The following ZBTB20 variants were observed in gnomAD, a reference collection of about 807,000 sequenced individuals.
The protein encoded by ZBTB20 is zinc finger and BTB domain-containing protein 20.
Under a neutral mutation model 56.9 loss-of-function variants are expected in ZBTB20, and 9 were observed. The ratio of observed to expected loss-of-function variants is 0.16; its 90% confidence interval spans 0.10 to 0.28. The LOEUF is 0.28. Ranked by LOEUF, ZBTB20 falls within the 10% of genes least tolerant of loss-of-function variation. The pLI is 1.00. For synonymous variants in ZBTB20, 417 were observed against 420.7 expected, an observed-to-expected ratio of 0.99 and a Z score of 0.11; for missense variants, 655 against 1,003.0, an observed-to-expected ratio of 0.65 and a Z score of 4.69.
intron 6 of ZBTB20, among the ~76,000 whole-genome samples, chr3:114,551,313 C>T (rs1329360983): frequency 6.6e-6 from 1 of 152,146 alleles, no homozygotes. Context: ...GTGTCCTGTC[C>T]TAAGACACAG....
chr3:114,389,608 G>A (rs779440870), intron 7 of ZBTB20, among the ~76,000 whole-genome samples: 103 of 151,448 alleles, frequency 6.8e-4, no homozygotes, highest in Middle Eastern at 6.9e-3. Flanking sequence ...ATGCATTACC[G>A]GCTGGGTGTG....
intron 6 of ZBTB20, among the ~76,000 whole-genome samples, chr3:114,641,172 T>A (rs916283623): frequency 2.6e-5 from 4 of 152,052 alleles, no homozygotes; most frequent in Non-Finnish European, 4.4e-5. Context: ...ATGATAGTTT[T>A]TCCCTTTCAA....
intron 1 of ZBTB20, among the ~76,000 whole-genome samples, chr3:115,106,725 A>G (rs1361595038): frequency 6.6e-6 from 1 of 152,164 alleles, no homozygotes; most frequent in Non-Finnish European, 1.5e-5. Flanking sequence ...TTGGAAGTAC[A>G]TTTATTATGG....
At chr3:115,044,907 A>G (rs1002063105) in intron 2 of ZBTB20, among the ~76,000 whole-genome samples, 7 of 152,214 alleles carry the variant, frequency 4.6e-5, no homozygotes, top group African/African-American at 1.7e-4. Flanking sequence ...TGTAGGTGGT[A>G]TTGCTATTAG....
At chr3:114,793,795 T>C (rs1217872148) in intron 5 of ZBTB20, among the ~76,000 whole-genome samples, 6 of 152,048 alleles carry the variant, frequency 3.9e-5, no homozygotes, top group Non-Finnish European at 7.4e-5. Context: ...CTAAAATGTA[T>C]ACAGCAATGT....
At chr3:114,444,675 T>A (rs549713031) in intron 7 of ZBTB20, among the ~76,000 whole-genome samples, 1 of 152,276 alleles carries the variant, frequency 6.6e-6, no homozygotes, top group South Asian at 2.1e-4. Flanking sequence ...AAATGAGTAG[T>A]TTAAGCCTGA....
intron 1 of ZBTB20, among the ~76,000 whole-genome samples, chr3:115,124,469 A>T (rs1484780119): frequency 6.6e-6 from 1 of 152,228 alleles, no homozygotes; most frequent in African/African-American, 2.4e-5. Context: ...TGTATATATA[A>T]AAAATGAAGC....
At chr3:114,767,585 G>T (rs532042415) in intron 5 of ZBTB20, among the ~76,000 whole-genome samples, 4 of 150,726 alleles carry the variant, frequency 2.7e-5, no homozygotes, top group African/African-American at 9.7e-5. Context: ...AAGGGAGGAA[G>T]GAAACAGAAA....
rs2079483911 is a variant in ZBTB20 at position 114,337,100 on chromosome 3, T to C, written c.*1905A>G. 6.6e-6 allele frequency: 1 copy of C among 152,232 alleles called. No individual in the cohort carries two copies. The highest frequency in any genetic ancestry group is 1.5e-5 in the Non-Finnish European group (1 of 68,048). 9.4% of individuals were successfully genotyped at this position (152,232 alleles called of 1,614,324 possible). A position where few individuals can be genotyped will look rare whatever the true frequency, so the allele number is the denominator to read the frequency against. ...GTCTTTTGAATGGTGGCTGTTGGCATCTGGGAATTTTTTTGTTAATTTCCC... is the reference window on the plus strand; with the variant it reads ...GTCTTTTGAATGGTGGCTGTTGGCACCTGGGAATTTTTTTGTTAATTTCCC... On this transcript the variant is annotated 3_prime_UTR_variant, in exon 12 of 12. Coordinates refer to ENST00000675478, the MANE Select transcript of ZBTB20 (RefSeq NM_001348800.3).
chr3:114,592,921 C>T (rs796779306), intron 6 of ZBTB20, among the ~76,000 whole-genome samples: 2 of 152,164 alleles, frequency 1.3e-5, no homozygotes, highest in Non-Finnish European at 2.9e-5. Flanking sequence ...GATTCACATA[C>T]ATAAATCAAC....
intron 7 of ZBTB20, among the ~76,000 whole-genome samples, chr3:114,424,307 G>T (rs552222985): frequency 6.6e-6 from 1 of 152,074 alleles, no homozygotes; most frequent in Non-Finnish European, 1.5e-5. Flanking sequence ...AACTCATCTC[G>T]CAGGGAAACT....
chr3:114,881,713 C>T (rs1024321936), intron 4 of ZBTB20, among the ~76,000 whole-genome samples: 7 of 151,630 alleles, frequency 4.6e-5, no homozygotes, highest in Non-Finnish European at 1.0e-4. Flanking sequence ...TTTCTTTTTA[C>T]CTTAGTGATG....
At chr3:114,672,717 A>C (rs1435875027) in intron 6 of ZBTB20, among the ~76,000 whole-genome samples, 6 of 152,164 alleles carry the variant, frequency 3.9e-5, no homozygotes, top group African/African-American at 1.4e-4. Context: ...AGCGTAATTA[A>C]AAGAGTATGA....
At chr3:114,581,968 TAAA>T (rs2054675006) in intron 6 of ZBTB20, 1 of 152,132 alleles carries the variant, frequency 6.6e-6, no homozygotes, top group African/African-American at 2.4e-5. Context: ...GGGAAACAAT[TAAA>T]ATAATGTCCA....
chr3:114,990,878 C>A lies in ZBTB20; in HGVS notation c.-506-16462G>T, dbSNP rs2078774746. 2.0e-5 allele frequency among the ~76,000 whole-genome samples: 3 copies of A among 152,098 alleles called. No individual in the cohort carries two copies. In the South Asian group the frequency reaches 6.2e-4, roughly 32 times the overall value. On this transcript the variant is annotated intron_variant, in intron 2 of 11. Coordinates refer to ENST00000675478, the MANE Select transcript of ZBTB20 (RefSeq NM_001348800.3). ...AATTTATCCATTTCTGCTAGATTTT[C>A]TAGTTTATTTGCATAGAGGTGTTTA...
intron 10 of ZBTB20, among the ~76,000 whole-genome samples, chr3:114,358,018 C>T (rs1344268825): frequency 6.6e-6 from 1 of 152,036 alleles, no homozygotes; most frequent in Non-Finnish European, 1.5e-5. Context: ...TATTATTTAG[C>T]AAACTTTGTT....
intron 5 of ZBTB20, among the ~76,000 whole-genome samples, chr3:114,776,364 C>T (rs979952920): frequency 2.6e-5 from 4 of 152,078 alleles, no homozygotes; most frequent in South Asian, 2.1e-4. Context: ...TCTATGTATC[C>T]TTGTAACAGG....
At chr3:114,786,449 TAA>T (rs1277113767) in intron 5 of ZBTB20, among the ~76,000 whole-genome samples, 5 of 151,938 alleles carry the variant, frequency 3.3e-5, no homozygotes, top group African/African-American at 1.2e-4. Context: ...AGCTTCTTTT[TAA>T]AAAGATTCCA....
chr3:114,339,190 C>A lies in ZBTB20; in HGVS notation c.2041G>T (p.Val681Leu). The change falls in exon 12 of 12, where the codon GTG becomes TTG. Residue 681 changes from valine (V) to leucine (L), a missense_variant. Physicochemically the swap from Val to Leu is conservative, Grantham distance 32. Around this residue, in one of 10 missense-constraint regions of ZBTB20, gnomAD observed 15 missense variants for 35.8 expected, o/e 0.42. Coordinates refer to ENST00000675478, the MANE Select transcript of ZBTB20 (RefSeq NM_001348800.3). The surrounding 1 kb of genome is among the most constrained non-coding windows in gnomAD (Gnocchi z 4.2). ...CCATTGCTGGCACTGTGCAGGGCCACGTGTCGCTCCAGGAGGGTCTTGTGA... is the reference window on the plus strand; with the variant it reads ...CCATTGCTGGCACTGTGCAGGGCCAAGTGTCGCTCCAGGAGGGTCTTGTGA... ...FSHKTLLERHVALHSASNGTP... is the reference protein window; with the variant it reads ...FSHKTLLERHLALHSASNGTP... The A allele has an allele frequency of 2.5e-6, 4 of 1,614,224 alleles. No homozygotes were observed. The highest frequency in any genetic ancestry group is 3.4e-6 in the Non-Finnish European group (4 of 1,180,030).
Sources: gnomAD v4.1 joint callset for allele counts (sites outside exome capture counted in the v4.1 genomes callset) on GRCh38, gnomAD v4.1.1 for gene constraint, gnomAD v4.1.1 regional missense constraint, Gnocchi (gnomAD v3.1) non-coding constraint, MANE v1.5 for transcripts, NCBI Gene and HGNC (gene_info 2026-07-23, HGNC 2026-07-21) for gene names.